STARD13: variants seen among roughly 807,000 people sequenced by gnomAD.
STARD13 encodes stAR-related lipid transfer protein 13.
In STARD13, 62 loss-of-function variants were observed where a neutral mutation model predicts 106.4. The observed-to-expected ratio is 0.58, with a 90% CI of 0.48 to 0.72. The LOEUF is 0.72. Among genes scored for constraint, STARD13 ranks in the 30% least tolerant of loss-of-function variants. The pLI is 0.00. For synonymous variants in STARD13, 565 were observed against 553.0 expected (o/e 1.02, Z -0.31); for missense variants, 1,387 against 1,424.0 (o/e 0.97, Z 0.42).
At chr13:33,631,976 G>A in the STARD13 span, among the ~76,000 whole-genome samples, 18 of 152,150 alleles carry the variant, frequency 1.2e-4, no homozygotes, top group Admixed American at 7.9e-4. Context: ...GAGTTTATCA[G>A]GTAATGGTCA....
chr13:33,442,099 G>A, the STARD13 span, among the ~76,000 whole-genome samples: 1 of 152,206 alleles, frequency 6.6e-6, no homozygotes, highest in African/African-American at 2.4e-5. Context: ...AGTAAAATAA[G>A]CTGTGTTACT....
the STARD13 span, among the ~76,000 whole-genome samples, chr13:33,568,617 A>C: frequency 5.4e-5 from 8 of 147,944 alleles, 1 homozygote; most frequent in East Asian, 1.6e-3. Context: ...TTGGACACTA[A>C]ATAATTAAGA....
chr13:33,408,922 A>G, the STARD13 span, among the ~76,000 whole-genome samples: 1 of 151,988 alleles, frequency 6.6e-6, no homozygotes, highest in Non-Finnish European at 1.5e-5. Context: ...ATCTCTGCTC[A>G]AATGTTACCT....
At chr13:33,388,195 C>G in the STARD13 span, among the ~76,000 whole-genome samples, 1 of 152,138 alleles carries the variant, frequency 6.6e-6, no homozygotes, top group Admixed American at 6.5e-5. Context: ...CCACCAAGCC[C>G]CAGACAAATC....
the STARD13 span, among the ~76,000 whole-genome samples, chr13:33,447,053 G>C: frequency 6.6e-6 from 1 of 152,190 alleles, no homozygotes; most frequent in South Asian, 2.1e-4. Context: ...AACAAAGAAA[G>C]GAATTCATTA....
At chr13:33,300,589 C>T (rs373305859) in intron 1 of STARD13, among the ~76,000 whole-genome samples, 52 of 152,246 alleles carry the variant, frequency 3.4e-4, no homozygotes, top group East Asian at 1.9e-4. Flanking sequence ...GCTTACTTTA[C>T]GTGAAATGCT....
At chr13:33,262,091 G>C (rs932895341) in intron 1 of STARD13, among the ~76,000 whole-genome samples, 1 of 152,160 alleles carries the variant, frequency 6.6e-6, no homozygotes, top group Non-Finnish European at 1.5e-5. Context: ...CAGACTAAGC[G>C]GGCAAAGCCA....
At chr13:33,564,020 C>T in the STARD13 span, among the ~76,000 whole-genome samples, 5 of 145,734 alleles carry the variant, frequency 3.4e-5, 1 homozygote, top group South Asian at 2.2e-4. Context: ...GGTGAAACCC[C>T]GTCTCTACAA....
chr13:33,586,110 A>C, the STARD13 span, among the ~76,000 whole-genome samples: 7 of 152,246 alleles, frequency 4.6e-5, no homozygotes, highest in Admixed American at 3.3e-4. Context: ...TAAGAATATA[A>C]TAAAAATTTA....
At chr13:33,313,749 C>T (rs1893227148) in intron 1 of STARD13, among the ~76,000 whole-genome samples, 1 of 152,160 alleles carries the variant, frequency 6.6e-6, no homozygotes, top group African/African-American at 2.4e-5. Flanking sequence ...AGAGCCAATA[C>T]TCTAATCCAA....
chr13:33,244,410 C>T (rs1889719986), intron 1 of STARD13, among the ~76,000 whole-genome samples: 1 of 152,214 alleles, frequency 6.6e-6, no homozygotes, highest in Middle Eastern at 3.4e-3. Flanking sequence ...CCTCTCACCA[C>T]TCACCCCACC....
At chr13:33,350,269 C>T in intron 1 of STARD13, 1 of 1,519,794 alleles carries the variant, frequency 6.6e-7, no homozygotes, top group Middle Eastern at 1.8e-4. Context: ...CCGTGGGTCG[C>T]GGCGTCTCCG....
At chr13:33,267,993 T>G (rs1890981089) in intron 1 of STARD13, among the ~76,000 whole-genome samples, 1 of 152,160 alleles carries the variant, frequency 6.6e-6, no homozygotes, top group Admixed American at 6.5e-5. Flanking sequence ...GGCAAATGTC[T>G]GAAAGATTCT....
chr13:33,554,261 C>T, the STARD13 span, among the ~76,000 whole-genome samples: 2 of 151,974 alleles, frequency 1.3e-5, no homozygotes, highest in East Asian at 3.9e-4. Context: ...ATAATCTGGC[C>T]CCAATTTCAT....
the STARD13 span, among the ~76,000 whole-genome samples, chr13:33,644,098 G>C: frequency 6.6e-6 from 1 of 152,206 alleles, no homozygotes; most frequent in African/African-American, 2.4e-5. Context: ...AGCTGAACCT[G>C]CACAGTTGAG....
chr13:33,404,435 C>T, the STARD13 span, among the ~76,000 whole-genome samples: 1 of 152,074 alleles, frequency 6.6e-6, no homozygotes, highest in Non-Finnish European at 1.5e-5. Flanking sequence ...AAATCAAGGG[C>T]CTTAAACAGA....
At chr13:33,650,164 A>ATTTTTT in the STARD13 span, among the ~76,000 whole-genome samples, 15 of 48,376 alleles carry the variant, frequency 3.1e-4, 2 homozygotes, top group Admixed American at 7.6e-4. Flanking sequence ...CGTGACTCCA[A>ATTTTTT]TTTTTTTTTT....
chr13:33,525,896 C>G, the STARD13 span, among the ~76,000 whole-genome samples: 1 of 152,166 alleles, frequency 6.6e-6, no homozygotes, highest in Non-Finnish European at 1.5e-5. Flanking sequence ...TTCCTCAAAT[C>G]TTAATTCGCC....
At chr13:33,430,078 T>C in the STARD13 span, among the ~76,000 whole-genome samples, 19 of 152,128 alleles carry the variant, frequency 1.2e-4, no homozygotes, top group South Asian at 1.5e-3. Flanking sequence ...CCACCACGCC[T>C]GGCTAATTTT....
Sources: gnomAD v4.1 joint callset for allele counts (sites outside exome capture counted in the v4.1 genomes callset) on GRCh38, gnomAD v4.1.1 for gene constraint, MANE v1.5 for transcripts, NCBI Gene and HGNC (gene_info 2026-07-23, HGNC 2026-07-21) for gene names.